CACNA1C: variants seen among roughly 807,000 people sequenced by gnomAD.
CACNA1C encodes calcium voltage-gated channel subunit alpha1 C.
A neutral mutation model predicts 229.0 loss-of-function variants in CACNA1C; 30 were observed. The ratio of observed to expected loss-of-function variants is 0.13; its 90% CI spans 0.10 to 0.18. The LOEUF (loss-of-function observed/expected upper bound fraction) is 0.18, where lower values mean the gene tolerates loss of function less well. Among genes scored for constraint, CACNA1C ranks in the 10% least tolerant of loss-of-function variants. The pLI, the probability that CACNA1C is intolerant of heterozygous loss-of-function variation, is 1.00. For synonymous variants in CACNA1C, 1,114 were observed against 1,132.5 expected (o/e 0.98, Z 0.33); for missense variants, 1,658 against 2,845.0 (o/e 0.58, Z 9.49).
intron 3 of CACNA1C, among the ~76,000 whole-genome samples, chr12:2,254,441 C>G (rs1181814459): frequency 2.0e-5 from 3 of 152,202 alleles, no homozygotes; most frequent in Non-Finnish European, 4.4e-5. Context: ...CTCTGTAACC[C>G]TGTATTTTCT....
chr12:2,190,469 C>T (rs750955569), intron 3 of CACNA1C, among the ~76,000 whole-genome samples: 17 of 152,126 alleles, frequency 1.1e-4, no homozygotes, highest in Admixed American at 4.6e-4. Flanking sequence ...TTCAGGGTAT[C>T]GTAGACGTGT....
chr12:2,649,951 G>A lies in CACNA1C; in HGVS notation c.3945+1444G>A, dbSNP rs2094764991. 6.6e-6 allele frequency among the ~76,000 whole-genome samples: 1 copy of A among 151,558 alleles called. No homozygotes were observed. The highest frequency in any genetic ancestry group is 2.4e-5 in the African/African-American group (1 of 40,952). On this transcript the variant is annotated intron_variant, in intron 31 of 46. Transcript: ENST00000399655. This position sits in a 1 kb window ranked among gnomAD's most constrained non-coding sequence, Gnocchi z 4.4. ...CAGGTGATAGAAATACAGAGATTAA[G>A]GTCATCAAAGGCTTCAGAACACACA...
chr12:2,208,475 C>T lies in CACNA1C; in HGVS notation c.477+88045C>T, dbSNP rs1010706722. Among the ~76,000 whole-genome samples the T allele has an allele frequency of 3.3e-5, 5 of 152,088 alleles. No homozygotes were observed. The East Asian group carries it at 5.8e-4, about 18-fold the overall frequency. The stretch of plus-strand genomic sequence containing the variant: ...TATTAACACCTGGCACTGCAGTGCC[C>T]GTTAGAGTGGATGCCGCCGGCTGAG... On this transcript the variant is annotated intron_variant, in intron 3 of 46. Coordinates refer to ENST00000399655, the MANE Select transcript of CACNA1C (RefSeq NM_000719.7).
intron 3 of CACNA1C, among the ~76,000 whole-genome samples, chr12:2,252,208 T>C (rs2075830734): frequency 1.3e-5 from 2 of 152,318 alleles, no homozygotes; most frequent in South Asian, 4.1e-4. Flanking sequence ...TTAATAACGA[T>C]TTTTTTCCAC....
chr12:2,077,057 GC>G (rs1347229989), intron 1 of CACNA1C, among the ~76,000 whole-genome samples: 2 of 152,206 alleles, frequency 1.3e-5, no homozygotes, highest in Non-Finnish European at 2.9e-5. Context: ...ACAACGCATT[GC>G]CCACTTAAGT....
rs11062305 is a variant in CACNA1C at position 2,671,330 on chromosome 12, C to T, written c.4726+2295C>T. Among the ~76,000 whole-genome samples, 1,405 of 152,302 alleles carry T rather than the reference C, an allele frequency of 9.2e-3. 20 individuals carry two copies. The highest frequency in any genetic ancestry group is 0.032 in the African/African-American group (1,320 of 41,564). On this transcript the variant is annotated intron_variant, in intron 38 of 46. Coordinates refer to ENST00000399655, the MANE Select transcript of CACNA1C (RefSeq NM_000719.7). ...GCCCGGCCAAAACACACATTTAATTCACACATATGTGTGTATAACAAGGAA... is the reference window on the plus strand; with the variant it reads ...GCCCGGCCAAAACACACATTTAATTTACACATATGTGTGTATAACAAGGAA...
intron 3 of CACNA1C, among the ~76,000 whole-genome samples, chr12:2,267,008 T>C (rs1291302702): frequency 6.6e-6 from 1 of 152,222 alleles, no homozygotes; most frequent in Non-Finnish European, 1.5e-5. Flanking sequence ...CTTTCTTCCT[T>C]TCCTTTTTAA....
In CACNA1C at chr12:2,512,874, A is replaced by C; in HGVS notation, c.1280A>C (p.Lys427Thr). Residue 427 changes from lysine to threonine, a missense_variant, in exon 9 of 47, where the codon AAG becomes ACG. This residue lies in a region of CACNA1C where 84 missense variants were observed against 202.6 expected (regional missense o/e 0.41). Coordinates refer to ENST00000399655, the MANE Select transcript of CACNA1C (RefSeq NM_000719.7). This position sits in a 1 kb window ranked among gnomAD's most constrained non-coding sequence, Gnocchi z 4.3. The stretch of plus-strand genomic sequence containing the variant: ...GGAGATTTCCAGAAGCTGCGGGAGA[A>C]GCAGCAGCTAGAAGAGGATCTCAAA... ...ARGDFQKLREKQQLEEDLKGY... is the reference protein window; with the variant it reads ...ARGDFQKLRETQQLEEDLKGY... 6.2e-7 allele frequency: 1 copy of C among 1,612,998 alleles called. No homozygotes were observed. The highest frequency in any genetic ancestry group is 8.5e-7 in the Non-Finnish European group (1 of 1,179,306).
chr12:1,986,112 C>T (rs1417071315), intron 1 of CACNA1C, among the ~76,000 whole-genome samples: 3 of 152,198 alleles, frequency 2.0e-5, no homozygotes, highest in East Asian at 1.9e-4. Context: ...TGCGCCCAGC[C>T]GTCAGTTCTA....
intron 3 of CACNA1C, among the ~76,000 whole-genome samples, chr12:2,407,319 C>T (rs60351265): frequency 0.013 from 1,885 of 140,910 alleles, 26 homozygotes; most frequent in African/African-American, 0.045. Flanking sequence ...TGGGAAGGAA[C>T]GTCCTTTTGA....
intron 1 of CACNA1C, among the ~76,000 whole-genome samples, chr12:2,070,929 TCCCTTTC>T (rs1314098765): frequency 8.1e-5 from 12 of 149,030 alleles, no homozygotes; most frequent in East Asian, 2.0e-4. Context: ...CCTCCTTCCT[TCCCTTTC>T]CCCTTTCCCC....
chr12:2,462,323 C>T (rs1343264366), intron 5 of CACNA1C, among the ~76,000 whole-genome samples: 1 of 149,192 alleles, frequency 6.7e-6, no homozygotes, highest in Non-Finnish European at 1.5e-5. Context: ...GCCTGCGCAC[C>T]TCCTCGGCCC....
chr12:2,564,386 G>A (rs552884318), intron 11 of CACNA1C, among the ~76,000 whole-genome samples: 11 of 152,278 alleles, frequency 7.2e-5, no homozygotes, highest in African/African-American at 2.6e-4. Context: ...CTGTCTAGAC[G>A]AGAGAGATTC....
At chr12:2,360,156 A>AC (rs796441635) in intron 3 of CACNA1C, among the ~76,000 whole-genome samples, 6,147 of 57,018 alleles carry the variant, frequency 0.11, 197 homozygotes, top group East Asian at 0.17. Context: ...AACACACCCC[A>AC]CCCCCCCCCA....
chr12:2,533,710 T>C (rs1403261112), intron 9 of CACNA1C, among the ~76,000 whole-genome samples: 1 of 152,160 alleles, frequency 6.6e-6, no homozygotes, highest in African/African-American at 2.4e-5. Context: ...CGCTCTTCCT[T>C]GTCCCAGGAG....
At chr12:2,535,958 G>A (rs749339230) in intron 9 of CACNA1C, among the ~76,000 whole-genome samples, 14 of 152,224 alleles carry the variant, frequency 9.2e-5, no homozygotes, top group Admixed American at 2.6e-4. Flanking sequence ...TGGGGTTGGA[G>A]TTAAAATGAC....
At chr12:2,443,336 C>A (rs2099246958) in intron 3 of CACNA1C, among the ~76,000 whole-genome samples, 1 of 152,216 alleles carries the variant, frequency 6.6e-6, no homozygotes, top group Non-Finnish European at 1.5e-5. Flanking sequence ...CCAGAATGAT[C>A]TGCTATGATT....
At chr12:2,500,852 A>G (rs902133768) in intron 7 of CACNA1C, among the ~76,000 whole-genome samples, 2 of 152,066 alleles carry the variant, frequency 1.3e-5, no homozygotes, top group African/African-American at 4.8e-5. Flanking sequence ...TGCAGTGCAC[A>G]TTACTGCTGG....
intron 9 of CACNA1C, chr12:2,547,669 G>A (rs916566480): frequency 4.9e-5 from 31 of 631,672 alleles, no homozygotes; most frequent in Non-Finnish European, 8.7e-5. Context: ...GTGTGTGTGT[G>A]TGTTTGTGAA....
Sources: gnomAD v4.1 joint callset for allele counts (sites outside exome capture counted in the v4.1 genomes callset) on GRCh38, gnomAD v4.1.1 for gene constraint, gnomAD v4.1.1 regional missense constraint, Gnocchi (gnomAD v3.1) non-coding constraint, MANE v1.5 for transcripts, NCBI Gene and HGNC (gene_info 2026-07-23, HGNC 2026-07-21) for gene names.